Variants in NRG4 observed in about 807,000 individuals in gnomAD.
The protein encoded by NRG4 is neuregulin 4.
A neutral mutation model predicts 15.0 loss-of-function variants in NRG4; 10 were observed. The ratio of observed to expected loss-of-function variants is 0.67; its 90% CI spans 0.41 to 1.13. The LOEUF is 1.13. Ranked by LOEUF, NRG4 falls within the 50% of genes most tolerant of loss-of-function variation. NRG4 has a pLI of 0.00. For synonymous variants in NRG4, 41 were observed against 50.1 expected, an observed-to-expected ratio of 0.82 and a Z score of 0.77; for missense variants, 139 against 140.2, an observed-to-expected ratio of 0.99 and a Z score of 0.04.
At chr15:75,948,206 T>G (rs1383527067) in intron 5 of NRG4, among the ~76,000 whole-genome samples, 1 of 152,228 alleles carries the variant, frequency 6.6e-6, no homozygotes, top group Admixed American at 6.5e-5. Flanking sequence ...GTGCTTTTGG[T>G]GTATAAAGCA....
At chr15:76,019,144 A>G (rs748209055) in intron 5 of NRG4, among the ~76,000 whole-genome samples, 9 of 151,964 alleles carry the variant, frequency 5.9e-5, no homozygotes, top group Non-Finnish European at 1.3e-4. Flanking sequence ...GGGGAAAAAC[A>G]CCTACTCAAG....
At chr15:76,013,963 T>C (rs548653932), upstream of NRG4, among the ~76,000 whole-genome samples, 5 of 152,310 alleles carry the variant, frequency 3.3e-5, no homozygotes, top group Non-Finnish European at 5.9e-5. Context: ...CCACCAATAG[T>C]GTAAAAGCAT....
At chr15:76,018,915 A>C (rs1182138238) in intron 5 of NRG4, among the ~76,000 whole-genome samples, 1 of 152,072 alleles carries the variant, frequency 6.6e-6, no homozygotes, top group African/African-American at 2.4e-5. Flanking sequence ...AAGTGTGCCG[A>C]AGCTGTGCCC....
intron 4 of NRG4, among the ~76,000 whole-genome samples, chr15:75,959,639 T>C (rs1185291334): frequency 6.6e-6 from 1 of 152,126 alleles, no homozygotes; most frequent in East Asian, 1.9e-4. Context: ...GGAATACAGA[T>C]GTGTACCACC....
chr15:75,941,990 A>T lies in NRG4; in HGVS notation c.*1648T>A, dbSNP rs190650850. ...GGCCTAGCTTTTTTTTTTTTTTTTA[A>T]AAAGGGCAGGGGGTGGGGTATTTAG... On this transcript the variant is annotated 3_prime_UTR_variant, in exon 6 of 6. Coordinates refer to ENST00000394907, the MANE Select transcript of NRG4 (RefSeq NM_138573.4). The T allele has an allele frequency of 2.1e-5, 3 of 143,492 alleles. No homozygotes were observed. The highest frequency in any genetic ancestry group is 7.7e-5 in the African/African-American group (3 of 38,828). The allele number at this position is 143,492 out of a possible 1,614,324, so 8.9% of individuals were successfully genotyped here.
At chr15:75,971,372 T>G (rs2033084258) in intron 3 of NRG4, 1 of 286,576 alleles carries the variant, frequency 3.5e-6, no homozygotes, top group Admixed American at 4.9e-5. Context: ...AAAAAAAAAT[T>G]TGTCTATTTT....
intron 5 of NRG4, among the ~76,000 whole-genome samples, chr15:76,033,620 C>T (rs1394960677): frequency 2.0e-5 from 3 of 152,210 alleles, no homozygotes; most frequent in Non-Finnish European, 4.4e-5. Context: ...AACAGAGCAA[C>T]AGCTAAAGTT....
intron 5 of NRG4, among the ~76,000 whole-genome samples, chr15:76,033,625 A>G (rs2035529101): frequency 6.6e-6 from 1 of 152,236 alleles, no homozygotes; most frequent in South Asian, 2.1e-4. Flanking sequence ...AGCAACAGCT[A>G]AAGTTGGTTC....
chr15:76,030,527 T>C (rs780134459), intron 5 of NRG4, among the ~76,000 whole-genome samples: 2 of 152,042 alleles, frequency 1.3e-5, no homozygotes, highest in Non-Finnish European at 1.5e-5. Context: ...GAAAACTAGA[T>C]AGCAATATGC....
chr15:75,967,304 A>G (rs1030159713), intron 3 of NRG4, among the ~76,000 whole-genome samples: 17 of 152,046 alleles, frequency 1.1e-4, no homozygotes, highest in African/African-American at 3.9e-4. Flanking sequence ...ATTCTTAATA[A>G]TATGTAGAGA....
chr15:75,993,343 CAAGTAT>C (rs1047343948), intron 3 of NRG4, among the ~76,000 whole-genome samples: 2 of 101,462 alleles, frequency 2.0e-5, no homozygotes, highest in Admixed American at 1.3e-4. Context: ...TTCCCAATTA[CAAGTAT>C]GTCAGTCATT....
At chr15:75,968,269 G>A (rs569016512) in intron 3 of NRG4, among the ~76,000 whole-genome samples, 1 of 152,234 alleles carries the variant, frequency 6.6e-6, no homozygotes, top group South Asian at 2.1e-4. Flanking sequence ...AACGATCAGG[G>A]AGGAAATCTA....
At chr15:76,037,308 G>C (rs2035618420) in intron 4 of NRG4, among the ~76,000 whole-genome samples, 1 of 152,146 alleles carries the variant, frequency 6.6e-6, no homozygotes, top group South Asian at 2.1e-4. Context: ...ACTTAGAGTA[G>C]GAAAGAGTCT....
intron 5 of NRG4, among the ~76,000 whole-genome samples, chr15:75,955,671 T>C (rs2032191093): frequency 6.6e-6 from 1 of 151,798 alleles, no homozygotes; most frequent in Non-Finnish European, 1.5e-5. Flanking sequence ...TATATCTGTG[T>C]AGCACATTAG....
rs112600140 is a variant in NRG4 at position 76,021,160 on chromosome 15, C to T, written c.-56-9874G>A. Among the ~76,000 whole-genome samples the T allele has an allele frequency of 2.0e-3, 297 of 152,268 alleles. 2 individuals carry two copies. The highest frequency in any genetic ancestry group is 0.014 in the Middle Eastern group (4 of 294). On this transcript the variant is annotated intron_variant, in intron 5 of 8. Coordinates refer to the NRG4 transcript ENST00000563910. Reference sequence around the variant, plus strand: ...AATCCTAGGGCCCTTAAGAATTATGCTAAATCTACTCTGCCTGTGCTGTAT... The same window carrying T: ...AATCCTAGGGCCCTTAAGAATTATGTTAAATCTACTCTGCCTGTGCTGTAT...
chr15:76,051,256 C>T (rs564871301), intron 4 of NRG4, among the ~76,000 whole-genome samples: 3 of 149,338 alleles, frequency 2.0e-5, no homozygotes, highest in Admixed American at 6.6e-5. Flanking sequence ...CCGCCCGCCT[C>T]GGCCTCCCAA....
chr15:75,946,000 C>T (rs1319740000), intron 5 of NRG4, among the ~76,000 whole-genome samples: 7 of 152,106 alleles, frequency 4.6e-5, no homozygotes, highest in Admixed American at 3.3e-4. Flanking sequence ...ACTTTGGGGC[C>T]ATTATTAAGT....
rs563923091 is a variant in NRG4 at position 76,037,591 on chromosome 15, G to A, written c.-104-1600C>T. On this transcript the variant is annotated intron_variant, in intron 4 of 8. Coordinates refer to the NRG4 transcript ENST00000563910. ...TCCTCATTGTGGGCTGAAGTGCTCT[G>A]GGGCCCTAAATAAACCGTAAAGGCA... Among the ~76,000 whole-genome samples the A allele has an allele frequency of 8.3e-4, 126 of 152,224 alleles. 1 individual carries two copies. The highest frequency in any genetic ancestry group is 2.8e-3 in the African/African-American group (116 of 41,524).
intron 1 of NRG4, among the ~76,000 whole-genome samples, chr15:76,059,099 G>T (rs531306747): frequency 5.3e-4 from 80 of 152,276 alleles, no homozygotes; most frequent in Admixed American, 1.0e-3. Context: ...ACATAAGCAG[G>T]TCGACAGTGT....
Sources: allele counts gnomAD v4.1 joint callset (sites outside exome capture counted in the v4.1 genomes callset), GRCh38; gene constraint gnomAD v4.1.1; transcripts MANE v1.5; gene names NCBI Gene and HGNC (gene_info 2026-07-23, HGNC 2026-07-21).